MEF2C: variants seen among roughly 807,000 people sequenced by gnomAD.
The protein encoded by MEF2C is myocyte-specific enhancer factor 2C.
MEF2C carries 6 observed loss-of-function variants against 50.5 expected under a neutral mutation model. The observed-to-expected ratio is 0.12, with a 90% confidence interval of 0.07 to 0.23. The LOEUF (loss-of-function observed/expected upper bound fraction) is 0.23, where lower values mean the gene tolerates loss of function less well. MEF2C is among the 10% of genes least tolerant of loss of function. The pLI is 1.00. For missense variants in MEF2C, 276 were observed against 605.0 expected (o/e 0.46, Z 5.70); for synonymous variants, 183 against 228.0 (o/e 0.80, Z 1.78).
intron 3 of MEF2C, among the ~76,000 whole-genome samples, chr5:88,768,862 A>T (rs1424873606): frequency 1.3e-5 from 2 of 152,234 alleles, no homozygotes; most frequent in Non-Finnish European, 1.5e-5. Context: ...TTTAAGTTAG[A>T]AAGCAGTGCA....
chr5:88,869,312 T>C lies in MEF2C; in HGVS notation c.-143+13643A>G, dbSNP rs1276997694. ...ATATATATACACATATATATATATA[T>C]ATACACATATAGCTTCATTTGTACA... On this transcript the variant is annotated intron_variant, in intron 1 of 10. Transcript: ENST00000504921. Among the ~76,000 whole-genome samples the C allele has an allele frequency of 1.6e-3, 174 of 111,632 alleles. 7 individuals carry two copies. The Admixed American group carries it at 0.017, about 11-fold the overall frequency. The allele number at this position is 111,632 out of a possible 152,430, so 73.2% of individuals were successfully genotyped here.
At chr5:88,839,803 C>A (rs909529401) in intron 1 of MEF2C, among the ~76,000 whole-genome samples, 4 of 152,068 alleles carry the variant, frequency 2.6e-5, no homozygotes, top group Admixed American at 1.3e-4. Flanking sequence ...ATAAGCATAA[C>A]AAAACCTCTA....
At chr5:88,869,885 T>C (rs1457117599) in intron 1 of MEF2C, among the ~76,000 whole-genome samples, 1 of 151,060 alleles carries the variant, frequency 6.6e-6, no homozygotes, top group African/African-American at 2.4e-5. Flanking sequence ...CTATATGGGC[T>C]AAGAAAGTTT....
chr5:88,808,004 G>C (rs1801239065), intron 2 of MEF2C, among the ~76,000 whole-genome samples: 1 of 151,986 alleles, frequency 6.6e-6, no homozygotes, highest in Non-Finnish European at 1.5e-5. Flanking sequence ...AAAAAATATA[G>C]CTAGTGTTTT....
chr5:88,828,399 T>A (rs921891794), intron 1 of MEF2C, among the ~76,000 whole-genome samples: 16 of 152,062 alleles, frequency 1.1e-4, no homozygotes, highest in African/African-American at 3.1e-4. Flanking sequence ...CAAAAAAAAA[T>A]TCCGGTTTTC....
At position 88,797,017 on chromosome 5, in the gene MEF2C, A is replaced by G. The variant is rs144779920; in HGVS notation, c.258+7581T>C. On this transcript the variant is annotated intron_variant, in intron 3 of 10. Coordinates refer to ENST00000504921, the MANE Select transcript of MEF2C (RefSeq NM_002397.5). ...TTTGTTATGATTTGCATTCTTTTGC[A>G]TTTGCTGAAGAGTGTTTTACTTCCA... is the stretch of plus-strand genomic sequence containing the variant. Among the ~76,000 whole-genome samples, 106 of 152,264 alleles carry G rather than the reference A, an allele frequency of 7.0e-4. 1 individual carries two copies. In the East Asian group the frequency reaches 0.018, roughly 25 times the overall value.
intron 3 of MEF2C, among the ~76,000 whole-genome samples, chr5:88,787,105 T>G (rs1039759351): frequency 6.6e-6 from 1 of 150,532 alleles, no homozygotes; most frequent in African/African-American, 2.4e-5. Flanking sequence ...CACCATACTT[T>G]GCACATACAC....
chr5:88,733,308 C>T (rs1203885657), intron 6 of MEF2C: 11 of 984,994 alleles, frequency 1.1e-5, no homozygotes, highest in Non-Finnish European at 1.3e-5. Context: ...GAAGGGGACC[C>T]GTGAAAAGAG....
chr5:88,892,433 G>A (rs901987898), intron 1 of MEF2C, among the ~76,000 whole-genome samples: 1 of 152,138 alleles, frequency 6.6e-6, no homozygotes, highest in Non-Finnish European at 1.5e-5. Context: ...GACAAACTGC[G>A]GTAAAAATTA....
chr5:88,746,473 T>G, intron 6 of MEF2C: 1 of 976,096 alleles, frequency 1.0e-6, no homozygotes, highest in Non-Finnish European at 1.2e-6. Context: ...GTGAGATGAC[T>G]TGATTTAGAA....
At chr5:88,760,934 G>C (rs1777561220) in intron 4 of MEF2C, 1 of 1,555,610 alleles carries the variant, frequency 6.4e-7, no homozygotes, top group Non-Finnish European at 8.7e-7. Flanking sequence ...AGAGGGTTAA[G>C]GTATGTTACT....
At chr5:88,795,206 T>C (rs1795496566) in intron 3 of MEF2C, among the ~76,000 whole-genome samples, 1 of 152,194 alleles carries the variant, frequency 6.6e-6, no homozygotes, top group African/African-American at 2.4e-5. Context: ...TTGATGGGGA[T>C]AGCACTGAAT....
At chr5:88,882,606 A>T (rs1833266035) in intron 1 of MEF2C, among the ~76,000 whole-genome samples, 1 of 152,192 alleles carries the variant, frequency 6.6e-6, no homozygotes, top group Admixed American at 6.5e-5. Context: ...GTCACAGAAC[A>T]TGCTGTGAAA....
intron 6 of MEF2C, chr5:88,734,585 T>TG (rs1561717936): frequency 4.2e-5 from 40 of 958,272 alleles, no homozygotes; most frequent in Middle Eastern, 5.3e-4. Flanking sequence ...TTTTTTTTTT[T>TG]TTTTTTTTTT....
At chr5:88,834,329 T>A (rs1212563518) in intron 1 of MEF2C, among the ~76,000 whole-genome samples, 1 of 152,164 alleles carries the variant, frequency 6.6e-6, no homozygotes, top group Non-Finnish European at 1.5e-5. Context: ...AATCAAACCC[T>A]GGCTAAGTCA....
At chr5:88,866,480 A>G (rs1827429197) in intron 1 of MEF2C, among the ~76,000 whole-genome samples, 2 of 152,234 alleles carry the variant, frequency 1.3e-5, no homozygotes, top group South Asian at 4.1e-4. Flanking sequence ...TCTAGTCAGC[A>G]GTACGGCAAT....
intron 6 of MEF2C, chr5:88,743,862 T>C (rs1313020416): frequency 3.1e-6 from 3 of 966,800 alleles, no homozygotes; most frequent in Non-Finnish European, 2.5e-6. Context: ...AGAAAACAGA[T>C]GTTAGTTTCT....
chr5:88,728,606 G>C lies in MEF2C; in HGVS notation c.987C>G (p.Asp329Glu). 1 of 1,515,524 alleles carries C rather than the reference G, an allele frequency of 6.6e-7. No homozygotes were observed. Among genetic ancestry groups the C allele is most frequent in the Non-Finnish European group, 8.9e-7 (1 of 1,128,480 alleles). 93.9% of individuals were successfully genotyped at this position (1,515,524 alleles called of 1,614,324 possible). A position where few individuals can be genotyped will look rare whatever the true frequency, so the allele number is the denominator to read the frequency against. ...YGTEYSLSSA[D>E]LSSLSGFNTA... ...TGTTAAACCCAGACAGAGATGACAG[G>C]TCTGCACTACTCAGAGAGTACTCTA... The change falls in exon 10 of 11, where the codon GAC becomes GAG. Residue 329 changes from aspartate to glutamate, a missense_variant. Physicochemically the swap from Asp to Glu is conservative, Grantham distance 45. This residue lies in a region of MEF2C where 256 missense variants were observed against 468.1 expected (regional missense o/e 0.55). Coordinates refer to ENST00000504921, the MANE Select transcript of MEF2C (RefSeq NM_002397.5).
At chr5:88,869,280 T>TATATATATATATATACAC (rs1249622211) in intron 1 of MEF2C, among the ~76,000 whole-genome samples, 3 of 73,942 alleles carry the variant, frequency 4.1e-5, no homozygotes, top group South Asian at 3.6e-4. Context: ...TATATATACA[T>TATATATATATATATACAC]ATATATATAT....
Sources: allele counts gnomAD v4.1 joint callset (sites outside exome capture counted in the v4.1 genomes callset), GRCh38; gene constraint gnomAD v4.1.1; regional missense constraint gnomAD v4.1.1; transcripts MANE v1.5; gene names NCBI Gene and HGNC (gene_info 2026-07-23, HGNC 2026-07-21).